The following RBFOX3 variants were observed in gnomAD, a reference collection of about 807,000 sequenced individuals.
RBFOX3 encodes RNA binding fox-1 homolog 3.
Under a neutral mutation model 48.7 loss-of-function variants are expected in RBFOX3, and 17 were observed. The observed-to-expected ratio is 0.35, with a 90% confidence interval of 0.24 to 0.52. RBFOX3 has a LOEUF of 0.52. Among genes scored for constraint, RBFOX3 ranks in the 20% least tolerant of loss-of-function variants. The probability of loss-of-function intolerance (pLI) is 0.94; values close to 1 mark genes in which losing one functional copy is unlikely to be tolerated. For synonymous variants in RBFOX3, 212 were observed against 209.5 expected, an observed-to-expected ratio of 1.01 and a Z score of -0.10; for missense variants, 382 against 497.5, an observed-to-expected ratio of 0.77 and a Z score of 2.21.
Position 79,199,181 on chromosome 17 carries a change from A to G in RBFOX3, c.-34+36585T>C, listed in dbSNP as rs1415983341. Among the ~76,000 whole-genome samples the G allele has an allele frequency of 6.6e-6, 1 of 152,182 alleles. No individual in the cohort carries two copies. Among genetic ancestry groups the G allele is most frequent in the Non-Finnish European group, 1.5e-5 (1 of 68,018 alleles). On this transcript the variant is annotated intron_variant, in intron 4 of 14. Coordinates refer to ENST00000693108, the MANE Select transcript of RBFOX3 (RefSeq NM_001350451.2). This position sits in a 1 kb window ranked among gnomAD's most constrained non-coding sequence, Gnocchi z 5.1. ...GGTCATAGGGTGGGGATGGGAAGGCAGACTCTGGCTGGCTCACTCTGCCTT... is the reference window on the plus strand; with the variant it reads ...GGTCATAGGGTGGGGATGGGAAGGCGGACTCTGGCTGGCTCACTCTGCCTT...
intron 3 of RBFOX3, among the ~76,000 whole-genome samples, chr17:79,266,971 T>A (rs138089370): frequency 1.3e-5 from 2 of 152,276 alleles, no homozygotes; most frequent in Admixed American, 6.5e-5. Flanking sequence ...CTGTGAGATG[T>A]TCTAGCAATG....
At chr17:79,110,917 G>A (rs777302244) in intron 5 of RBFOX3, among the ~76,000 whole-genome samples, 7 of 152,174 alleles carry the variant, frequency 4.6e-5, no homozygotes, top group Admixed American at 6.5e-5. Context: ...CCTCTCTTCC[G>A]CCCTTCTCAG....
At chr17:79,101,441 G>C (rs944632801) in intron 9 of RBFOX3, 143 bp downstream of exon 9, 1 of 738,488 alleles carries the variant, frequency 1.4e-6, no homozygotes, top group Non-Finnish European at 2.3e-6. Flanking sequence ...ACCGGGAGCA[G>C]AGCGGCAGCC....
chr17:79,326,669 G>C (rs751376211), intron 2 of RBFOX3, among the ~76,000 whole-genome samples: 1 of 152,134 alleles, frequency 6.6e-6, no homozygotes, highest in African/African-American at 2.4e-5. Flanking sequence ...GAGGTGGCGA[G>C]CTCCCTGCTC....
At chr17:79,403,789 T>TC in intron 2 of RBFOX3, among the ~76,000 whole-genome samples, 1 of 147,352 alleles carries the variant, frequency 6.8e-6, no homozygotes, top group Non-Finnish European at 1.5e-5. Flanking sequence ...TTTCTTTTTT[T>TC]TTTTTTTTTT....
chr17:79,487,930 A>AAAAAAAAAAAG (rs1555770506), intron 1 of RBFOX3, among the ~76,000 whole-genome samples: 1 of 150,578 alleles, frequency 6.6e-6, no homozygotes, highest in Non-Finnish European at 1.5e-5. Context: ...AAAAAAAAAA[A>AAAAAAAAAAAG]TTCCTGGGTG....
chr17:79,307,996 G>A (rs1055646162), intron 2 of RBFOX3, among the ~76,000 whole-genome samples, 172 bp from the exon 3 acceptor site: 5 of 152,230 alleles, frequency 3.3e-5, no homozygotes, highest in Non-Finnish European at 7.3e-5. Flanking sequence ...GCTGGGAGAA[G>A]CTGTAAGAAG....
chr17:79,432,322 T>A (rs1422041214), intron 2 of RBFOX3, among the ~76,000 whole-genome samples: 1 of 152,100 alleles, frequency 6.6e-6, no homozygotes, highest in Non-Finnish European at 1.5e-5. Flanking sequence ...AGAAGTGGGG[T>A]TGCTGGGAGA....
chr17:79,422,922 T>A (rs1292233620), intron 2 of RBFOX3, among the ~76,000 whole-genome samples: 2 of 152,142 alleles, frequency 1.3e-5, no homozygotes, highest in African/African-American at 2.4e-5. Flanking sequence ...TGTCTCCCTC[T>A]CTGTGTTTCT....
chr17:79,102,834 G>A (rs938208565), intron 8 of RBFOX3, among the ~76,000 whole-genome samples: 2 of 152,204 alleles, frequency 1.3e-5, no homozygotes, highest in African/African-American at 4.8e-5. Flanking sequence ...GGCCGGGTGG[G>A]CTGGCCATGG....
chr17:79,591,250 G>T (rs992614966), intron 1 of RBFOX3, among the ~76,000 whole-genome samples: 17 of 152,318 alleles, frequency 1.1e-4, no homozygotes, highest in Non-Finnish European at 2.4e-4. Context: ...CACAGGTGTC[G>T]CTGGGGGCCA....
intron 5 of RBFOX3, among the ~76,000 whole-genome samples, chr17:79,114,891 C>A (rs1210903415): frequency 6.6e-6 from 1 of 152,224 alleles, no homozygotes; most frequent in Non-Finnish European, 1.5e-5. Flanking sequence ...CTTGGCCACT[C>A]CCTGCTGGCT....
At chr17:79,368,453 G>A (rs1028190196) in intron 2 of RBFOX3, among the ~76,000 whole-genome samples, 6 of 152,212 alleles carry the variant, frequency 3.9e-5, no homozygotes, top group African/African-American at 1.2e-4. Flanking sequence ...AACCTAGGAC[G>A]CCCGCATTTG....
chr17:79,619,445 G>A, the RBFOX3 span, among the ~76,000 whole-genome samples: 5 of 152,168 alleles, frequency 3.3e-5, no homozygotes, highest in East Asian at 1.9e-4. Context: ...CAGGTACTCC[G>A]GGGCTTGTGG....
Position 79,090,799 on chromosome 17 carries a change from C to CTTTTTTTGT in RBFOX3, c.*75_*83dup, listed in dbSNP as rs1555680334. Reference sequence around the variant, plus strand: ...TTTTTTGTTGCTTGGATCTTAACATCTTTTTTTGTTTTTTTTGTTTTGTGA... The same window carrying CTTTTTTTGT: ...TTTTTTGTTGCTTGGATCTTAACATCTTTTTTTGTTTTTTTTGTTTTTTTTGTTTTGTGA... On this transcript the variant is annotated 3_prime_UTR_variant, in exon 15 of 15. Coordinates refer to ENST00000693108, the MANE Select transcript of RBFOX3 (RefSeq NM_001350451.2). The CTTTTTTTGT allele has an allele frequency of 3.5e-6, 5 of 1,424,710 alleles. No individual in the cohort carries two copies. The African/African-American group carries it at 5.8e-5, about 17-fold the overall frequency. The allele number at this position is 1,424,710 out of a possible 1,614,324, so 88.3% of individuals were successfully genotyped here.
At chr17:79,200,269 A>G (rs1214856921) in intron 4 of RBFOX3, among the ~76,000 whole-genome samples, 2 of 152,186 alleles carry the variant, frequency 1.3e-5, no homozygotes, top group Non-Finnish European at 2.9e-5. Context: ...ATCATCAGCA[A>G]GGTGGCCTGT....
chr17:79,149,799 G>A (rs900147224), intron 4 of RBFOX3, among the ~76,000 whole-genome samples: 15 of 151,354 alleles, frequency 9.9e-5, no homozygotes, highest in African/African-American at 3.7e-4. Context: ...GCATCGCCAT[G>A]AGCTGAGCTT....
chr17:79,143,820 C>G (rs1252367578), intron 4 of RBFOX3, among the ~76,000 whole-genome samples: 1 of 152,224 alleles, frequency 6.6e-6, no homozygotes, highest in Non-Finnish European at 1.5e-5. Context: ...TGAAGACCCC[C>G]TCCATTTTCA....
At chr17:79,283,062 A>G (rs1448891463) in intron 3 of RBFOX3, among the ~76,000 whole-genome samples, 3 of 152,208 alleles carry the variant, frequency 2.0e-5, no homozygotes, top group Admixed American at 6.5e-5. Flanking sequence ...GCAGGCCTGG[A>G]AAGTTTTCAT....
Sources: gnomAD v4.1 joint callset for allele counts (sites outside exome capture counted in the v4.1 genomes callset) on GRCh38, gnomAD v4.1.1 for gene constraint, Gnocchi (gnomAD v3.1) non-coding constraint, MANE v1.5 for transcripts, NCBI Gene and HGNC (gene_info 2026-07-23, HGNC 2026-07-21) for gene names.